The following NAPA variants were observed in gnomAD, a reference collection of about 807,000 sequenced individuals.
NAPA encodes alpha-soluble NSF attachment protein.
In NAPA, 18 loss-of-function variants were observed where a neutral mutation model predicts 48.0. The ratio of observed to expected loss-of-function variants is 0.38; its 90% CI spans 0.26 to 0.56. The LOEUF (loss-of-function observed/expected upper bound fraction) is 0.56. NAPA is among the 20% of genes least tolerant of loss of function. The probability of loss-of-function intolerance (pLI) is 0.77; values close to 1 mark genes in which losing one functional copy is unlikely to be tolerated. For missense variants in NAPA, 315 were observed against 385.0 expected (o/e 0.82, Z 1.52); for synonymous variants, 152 against 149.9 (o/e 1.01, Z -0.10).
downstream of NAPA, among the ~76,000 whole-genome samples, chr19:47,487,157 G>A (rs780575970): frequency 1.1e-4 from 17 of 152,044 alleles, no homozygotes; most frequent in South Asian, 4.1e-4. Context: ...AGACCCACTC[G>A]GGCCTCAGAC....
chr19:47,490,962 C>T, intron 8 of NAPA, 106 bp from the exon 9 acceptor site: 1 of 908,426 alleles, frequency 1.1e-6, no homozygotes. Context: ...ATTGAGTCAG[C>T]TCTTGCACCC....
chr19:47,490,670 C>CAAAACAAAAT, intron 9 of NAPA, 118 bp downstream of exon 9: 1 of 866,672 alleles, frequency 1.2e-6, no homozygotes. Context: ...CAAAACAAAA[C>CAAAACAAAAT]AAAACAAAGA....
At chr19:47,508,063 C>G (rs558241394) in intron 1 of NAPA, among the ~76,000 whole-genome samples, 2 of 152,292 alleles carry the variant, frequency 1.3e-5, no homozygotes, top group South Asian at 4.1e-4. Flanking sequence ...CCTGTACTGC[C>G]TAGGCTTCCC....
intron 2 of NAPA, among the ~76,000 whole-genome samples, chr19:47,502,629 T>G (rs1452795713): frequency 6.6e-6 from 1 of 152,192 alleles, no homozygotes; most frequent in African/African-American, 2.4e-5. Context: ...ATTCAAACAC[T>G]GGGTCTCTTG....
Position 47,493,849 on chromosome 19 carries a change from C to T in NAPA, c.343-356G>A, listed in dbSNP as rs1968346594. Among the ~76,000 whole-genome samples, 1 of 152,222 alleles carries T rather than the reference C, an allele frequency of 6.6e-6. No individual in the cohort carries two copies. The highest frequency in any genetic ancestry group is 2.4e-5 in the African/African-American group (1 of 41,454). On this transcript the variant is annotated intron_variant, in intron 4 of 10. Transcript: ENST00000263354. This position sits in a 1 kb window ranked among gnomAD's most constrained non-coding sequence, Gnocchi z 6.4. ...GCCCTTAGGAAGCCTCTGATAACAG[C>T]CAGAGAGGCGGAAGGACCAGTCCAG...
chr19:47,489,004 T>C (rs830148), intron 10 of NAPA: 1 of 151,830 alleles, frequency 6.6e-6, no homozygotes, highest in East Asian at 2.0e-4. Flanking sequence ...CTGAGTGCCA[T>C]GGGACACGGG....
At chr19:47,501,698 C>T (rs1164786465) in intron 2 of NAPA, 1 of 152,240 alleles carries the variant, frequency 6.6e-6, no homozygotes, top group African/African-American at 2.4e-5. Context: ...GCCATTCTGC[C>T]CACACATCTC....
In NAPA at chr19:47,493,233, G is replaced by A. The variant is rs1185579235; in HGVS notation, c.421-59C>T. 16 of 1,529,570 alleles carry A rather than the reference G, an allele frequency of 1.0e-5. No individual in the cohort carries two copies. The highest frequency in any genetic ancestry group is 1.8e-4 in the Middle Eastern group (1 of 5,502). The allele number at this position is 1,529,570 out of a possible 1,614,324, so 94.7% of individuals were successfully genotyped here. ...GGCAGGGAAGGGAGAGGAGGCCTCCGTGAAGCTTCCACACCCTCCGCCCTG... is the reference window on the plus strand; with the variant it reads ...GGCAGGGAAGGGAGAGGAGGCCTCCATGAAGCTTCCACACCCTCCGCCCTG... On this transcript the variant is annotated intron_variant, in intron 5 of 10. Coordinates refer to ENST00000263354, the MANE Select transcript of NAPA (RefSeq NM_003827.4). The surrounding 1 kb of genome is among the most constrained non-coding windows in gnomAD (Gnocchi z 6.4).
At chr19:47,495,349 G>A (rs1037048704) in intron 4 of NAPA, 10 of 627,680 alleles carry the variant, frequency 1.6e-5, no homozygotes, top group Non-Finnish European at 2.3e-5. Flanking sequence ...TGAGGGGGCC[G>A]TCAGGCTGGT....
Position 47,493,283 on chromosome 19 carries a change from C to T in NAPA, c.421-109G>A. 1 of 1,486,502 alleles carries T rather than the reference C, an allele frequency of 6.7e-7. No individual in the cohort carries two copies. The highest frequency in any genetic ancestry group is 2.3e-5 in the East Asian group (1 of 44,004). The allele number at this position is 1,486,502 out of a possible 1,614,324, so 92.1% of individuals were successfully genotyped here. A position where few individuals can be genotyped will look rare whatever the true frequency, so the allele number is the denominator to read the frequency against. ...GCCTGCCTGGGACACAGCCAGACCC[C>T]ATTCTCCAAGCTCTGCCGGCGCCCC... On this transcript the variant is annotated intron_variant, in intron 5 of 10. Transcript: ENST00000263354. This position sits in a 1 kb window ranked among gnomAD's most constrained non-coding sequence, Gnocchi z 6.4.
intron 1 of NAPA, among the ~76,000 whole-genome samples, chr19:47,513,322 T>C (rs974590046): frequency 6.6e-5 from 10 of 152,122 alleles, no homozygotes; most frequent in African/African-American, 2.4e-4. Flanking sequence ...TGAACCCCCA[T>C]CAGCTCTCTG....
chr19:47,490,581 C>T (rs1412300117), intron 9 of NAPA, among the ~76,000 whole-genome samples: 1 of 151,514 alleles, frequency 6.6e-6, no homozygotes, highest in East Asian at 1.9e-4. Context: ...TCCACCTAGC[C>T]ATCCTGAGCT....
At chr19:47,511,380 G>A (rs572442893) in intron 1 of NAPA, among the ~76,000 whole-genome samples, 52 of 152,262 alleles carry the variant, frequency 3.4e-4, no homozygotes, top group African/African-American at 1.2e-3. Flanking sequence ...CATCCTCCCT[G>A]CCCTCTGCCC....
chr19:47,503,763 A>C (rs549722690), intron 1 of NAPA, among the ~76,000 whole-genome samples: 1 of 151,930 alleles, frequency 6.6e-6, no homozygotes, highest in Non-Finnish European at 1.5e-5. Flanking sequence ...AGAGTTCCTG[A>C]CCCCACCACA....
At chr19:47,491,946 C>A in intron 8 of NAPA, 69 bp downstream of exon 8, 1 of 1,419,476 alleles carries the variant, frequency 7.0e-7, no homozygotes, top group Non-Finnish European at 9.9e-7. Flanking sequence ...TCGGGGGCAA[C>A]GGGACCTGGC....
chr19:47,489,634 A>G lies in NAPA; in HGVS notation c.786+77T>C. ...GATGAAATGGGTGAATGTCATGGAGAGCGTGTCTGAGAAGGGCAGCTTTCC... is the reference window on the plus strand; with the variant it reads ...GATGAAATGGGTGAATGTCATGGAGGGCGTGTCTGAGAAGGGCAGCTTTCC... On this transcript the variant is annotated intron_variant, in intron 10 of 10. Transcript: ENST00000263354. 3 of 1,487,986 alleles carry G rather than the reference A, an allele frequency of 2.0e-6. No homozygotes were observed. In the South Asian group the frequency reaches 3.4e-5, roughly 17 times the overall value. 92.2% of individuals were successfully genotyped at this position (1,487,986 alleles called of 1,614,324 possible).
At chr19:47,500,919 C>G (rs2122758545) in intron 2 of NAPA, among the ~76,000 whole-genome samples, 170 bp from the exon 3 acceptor site, 1 of 152,314 alleles carries the variant, frequency 6.6e-6, no homozygotes, top group South Asian at 2.1e-4. Context: ...GAACTCAGGT[C>G]TCCTGGCTCC....
intron 1 of NAPA, chr19:47,512,841 GTTCC>G (rs1968831188): frequency 6.6e-6 from 1 of 152,160 alleles, no homozygotes; most frequent in African/African-American, 2.4e-5. Flanking sequence ...CCCTTTTCCT[GTTCC>G]TTCCTCTCTT....
At chr19:47,511,774 C>T (rs1344857373) in intron 1 of NAPA, among the ~76,000 whole-genome samples, 2 of 152,226 alleles carry the variant, frequency 1.3e-5, no homozygotes, top group African/African-American at 2.4e-5. Context: ...TCCATACCAT[C>T]CATCAGCAGG....
Sources: allele counts gnomAD v4.1 joint callset (sites outside exome capture counted in the v4.1 genomes callset), GRCh38; gene constraint gnomAD v4.1.1; non-coding constraint Gnocchi (gnomAD v3.1); transcripts MANE v1.5; gene names NCBI Gene and HGNC (gene_info 2026-07-23, HGNC 2026-07-21).